The following POFUT3 variants were observed in gnomAD, a reference collection of about 807,000 sequenced individuals.
POFUT3 encodes GDP-fucose protein O-fucosyltransferase 3.
the POFUT3 span, among the ~76,000 whole-genome samples, chr8:33,417,673 G>A: frequency 2.0e-5 from 3 of 152,068 alleles, no homozygotes; most frequent in African/African-American, 7.2e-5. Flanking sequence ...AGGAGGGGTG[G>A]GGGCTTCAAG....
At chr8:33,455,558 A>G in the POFUT3 span, among the ~76,000 whole-genome samples, 1 of 152,212 alleles carries the variant, frequency 6.6e-6, no homozygotes, top group Non-Finnish European at 1.5e-5. Flanking sequence ...AATATAATTG[A>G]TATGGCACTA....
At chr8:33,418,043 G>A in the POFUT3 span, among the ~76,000 whole-genome samples, 5 of 152,112 alleles carry the variant, frequency 3.3e-5, no homozygotes, top group Non-Finnish European at 7.4e-5. Flanking sequence ...AGCTCACACC[G>A]GGGTCCAACC....
chr8:33,431,485 T>C, the POFUT3 span, among the ~76,000 whole-genome samples: 1 of 126,418 alleles, frequency 7.9e-6, no homozygotes, highest in Non-Finnish European at 1.5e-5. Flanking sequence ...GAGGCAGAGG[T>C]TGCAGTGAGC....
chr8:33,379,059 T>A, the POFUT3 span, among the ~76,000 whole-genome samples: 101 of 152,228 alleles, frequency 6.6e-4, no homozygotes, highest in East Asian at 0.017. Flanking sequence ...GGTTTAAATG[T>A]GTGGCATTTC....
chr8:33,388,963 C>A, the POFUT3 span: 2 of 1,613,392 alleles, frequency 1.2e-6, no homozygotes, highest in African/African-American at 2.7e-5. Context: ...ATTTGCTTAC[C>A]TTTTCCTGAA....
At chr8:33,397,443 T>G in the POFUT3 span, among the ~76,000 whole-genome samples, 1 of 152,282 alleles carries the variant, frequency 6.6e-6, no homozygotes, top group African/African-American at 2.4e-5. Context: ...CTGTCACCAC[T>G]GTCTGCCCAG....
chr8:33,418,994 G>A, the POFUT3 span, among the ~76,000 whole-genome samples: 3 of 152,042 alleles, frequency 2.0e-5, no homozygotes, highest in East Asian at 3.9e-4. Flanking sequence ...AATATTACAC[G>A]TTCTCACTTA....
chr8:33,453,284 T>C, the POFUT3 span: 35 of 1,614,188 alleles, frequency 2.2e-5, no homozygotes, highest in Admixed American at 4.5e-4. Flanking sequence ...GAAACAAGCA[T>C]CTGCTCCACA....
chr8:33,382,996 A>G, the POFUT3 span, among the ~76,000 whole-genome samples: 1 of 152,318 alleles, frequency 6.6e-6, no homozygotes, highest in Admixed American at 6.5e-5. Context: ...AGAGCAAGTT[A>G]GGACCAGTGG....
the POFUT3 span, among the ~76,000 whole-genome samples, chr8:33,327,711 G>A: frequency 1.3e-5 from 2 of 152,154 alleles, no homozygotes; most frequent in African/African-American, 2.4e-5. Context: ...AAAGAAAGTG[G>A]GTAATGGAAA....
chr8:33,455,239 T>G, the POFUT3 span, among the ~76,000 whole-genome samples: 1 of 152,198 alleles, frequency 6.6e-6, no homozygotes, highest in Non-Finnish European at 1.5e-5. Context: ...AACCACATTT[T>G]TAAATTTATT....
At chr8:33,327,376 C>T in the POFUT3 span, among the ~76,000 whole-genome samples, 1 of 152,106 alleles carries the variant, frequency 6.6e-6, no homozygotes, top group Non-Finnish European at 1.5e-5. Context: ...GTATATGTCT[C>T]CCTGCAGACA....
chr8:33,456,729 G>A, the POFUT3 span, among the ~76,000 whole-genome samples: 2 of 151,254 alleles, frequency 1.3e-5, no homozygotes, highest in African/African-American at 4.9e-5. Context: ...TCCATGACAT[G>A]GAATAAAAAG....
chr8:33,325,248 G>A, the POFUT3 span, among the ~76,000 whole-genome samples: 1 of 152,100 alleles, frequency 6.6e-6, no homozygotes, highest in African/African-American at 2.4e-5. Context: ...GTACCTAAAA[G>A]TTCATCCTTT....
chr8:33,372,572 T>C, the POFUT3 span: 2 of 1,612,024 alleles, frequency 1.2e-6, no homozygotes, highest in Non-Finnish European at 1.7e-6. Context: ...TGATCATTTT[T>C]GAAATCAGTC....
At chr8:33,368,273 C>A in the POFUT3 span, among the ~76,000 whole-genome samples, 1 of 152,154 alleles carries the variant, frequency 6.6e-6, no homozygotes, top group East Asian at 1.9e-4. Context: ...CTGTTAAGTC[C>A]AATGACTCGA....
At chr8:33,353,293 C>A in the POFUT3 span, among the ~76,000 whole-genome samples, 1 of 152,168 alleles carries the variant, frequency 6.6e-6, no homozygotes, top group African/African-American at 2.4e-5. Flanking sequence ...AATTAAAGCC[C>A]AGTGCAATGA....
At chr8:33,407,306 T>A in the POFUT3 span, among the ~76,000 whole-genome samples, 128 of 152,320 alleles carry the variant, frequency 8.4e-4, 1 homozygote, top group African/African-American at 2.9e-3. Flanking sequence ...GAACAATGCC[T>A]TCTAATTCAG....
chr8:33,460,508 A>G, the POFUT3 span, among the ~76,000 whole-genome samples: 2 of 152,220 alleles, frequency 1.3e-5, no homozygotes, highest in African/African-American at 4.8e-5. Context: ...TACTTATAAT[A>G]TAGATGTCTG....
Sources: gnomAD v4.1 joint callset for allele counts (sites outside exome capture counted in the v4.1 genomes callset) on GRCh38, gnomAD v4.1.1 for gene constraint, MANE v1.5 for transcripts, NCBI Gene and HGNC (gene_info 2026-07-23, HGNC 2026-07-21) for gene names.